Variants in CNTNAP5 observed in about 807,000 individuals in gnomAD.
The protein encoded by CNTNAP5 is contactin associated protein family member 5.
CNTNAP5 carries 72 observed loss-of-function variants against 150.2 expected under a neutral mutation model. That is an observed-to-expected ratio of 0.48 (90% CI 0.40 to 0.58). CNTNAP5 has a LOEUF of 0.58. CNTNAP5 is among the 20% of genes least tolerant of loss of function. The pLI is 0.00. For missense variants in CNTNAP5, 1,636 were observed against 1,626.2 expected, an observed-to-expected ratio of 1.01 and a Z score of -0.10; for synonymous variants, 672 against 619.8, an observed-to-expected ratio of 1.08 and a Z score of -1.25.
rs1690679411 is a variant in CNTNAP5, at chr2:124,377,535, C to T, written c.382-39908C>T. On this transcript the variant is annotated intron_variant, in intron 3 of 23. Transcript: ENST00000682447. ...ACTAAAAATATAAAAATTAGCCAGT[C>T]GTGGTGGCATGCGCCTGTAATCCTA... Among the ~76,000 whole-genome samples, 11 of 151,840 alleles carry T rather than the reference C, an allele frequency of 7.2e-5. No individual in the cohort carries two copies. In the South Asian group the frequency reaches 1.9e-3, roughly 26 times the overall value.
intron 2 of CNTNAP5, among the ~76,000 whole-genome samples, chr2:124,236,335 C>T (rs1382664447): frequency 2.0e-5 from 3 of 152,152 alleles, no homozygotes; most frequent in East Asian, 3.9e-4. Context: ...GTGGCCTGGA[C>T]CAGGCTGCAA....
intron 1 of CNTNAP5, among the ~76,000 whole-genome samples, chr2:124,138,860 A>G (rs1446594565): frequency 6.6e-6 from 1 of 151,396 alleles, no homozygotes; most frequent in Non-Finnish European, 1.5e-5. Context: ...TATATATATC[A>G]GCCCTCTAGA....
At chr2:124,265,937 T>C (rs1687594807) in intron 3 of CNTNAP5, among the ~76,000 whole-genome samples, 1 of 152,040 alleles carries the variant, frequency 6.6e-6, no homozygotes, top group Non-Finnish European at 1.5e-5. Flanking sequence ...AAGTCCCAAA[T>C]GTGTCTAGTG....
chr2:124,677,455 T>G (rs1678969108), intron 13 of CNTNAP5, among the ~76,000 whole-genome samples: 1 of 152,190 alleles, frequency 6.6e-6, no homozygotes, highest in Non-Finnish European at 1.5e-5. Context: ...GGTGGCCAGC[T>G]TTTATTCCCT....
chr2:124,697,571 G>A (rs1460334775), intron 13 of CNTNAP5, among the ~76,000 whole-genome samples: 1 of 144,584 alleles, frequency 6.9e-6, no homozygotes, highest in African/African-American at 2.6e-5. Context: ...ATGTGAATGA[G>A]TAATTTGATG....
chr2:124,639,551 C>G (rs186959168), intron 12 of CNTNAP5, among the ~76,000 whole-genome samples: 1 of 152,298 alleles, frequency 6.6e-6, no homozygotes, highest in African/African-American at 2.4e-5. Context: ...CCTTTGCAAT[C>G]AGCTCACTAG....
chr2:124,386,309 T>C (rs1389993437), intron 3 of CNTNAP5, among the ~76,000 whole-genome samples: 3 of 152,186 alleles, frequency 2.0e-5, no homozygotes, highest in Admixed American at 1.3e-4. Flanking sequence ...TTCCTATAAA[T>C]GAGGTACTAA....
At chr2:124,207,905 A>C (rs1324440658) in intron 1 of CNTNAP5, among the ~76,000 whole-genome samples, 1 of 152,212 alleles carries the variant, frequency 6.6e-6, no homozygotes, top group Non-Finnish European at 1.5e-5. Flanking sequence ...ACAGCACTGA[A>C]TACCTGGACA....
At chr2:124,345,109 C>T (rs1689706231) in intron 3 of CNTNAP5, among the ~76,000 whole-genome samples, 1 of 152,120 alleles carries the variant, frequency 6.6e-6, no homozygotes. Context: ...GCTTAATACA[C>T]GTGGGAGAAG....
intron 3 of CNTNAP5, among the ~76,000 whole-genome samples, chr2:124,273,023 C>T (rs17011255): frequency 0.016 from 2,467 of 152,250 alleles, 55 homozygotes; most frequent in African/African-American, 0.05. Context: ...GGCACGGTGA[C>T]GGACTTGATT....
chr2:124,146,698 T>G (rs2104626222), intron 1 of CNTNAP5, among the ~76,000 whole-genome samples: 1 of 152,334 alleles, frequency 6.6e-6, no homozygotes. Flanking sequence ...AAATTAAAGT[T>G]ATGTCAAATT....
intron 3 of CNTNAP5, among the ~76,000 whole-genome samples, chr2:124,349,666 C>T (rs1371751613): frequency 6.6e-6 from 1 of 152,100 alleles, no homozygotes; most frequent in Non-Finnish European, 1.5e-5. Context: ...AACATAGTCA[C>T]AGTGGGAAAT....
At chr2:124,361,958 G>C (rs1453802297) in intron 3 of CNTNAP5, among the ~76,000 whole-genome samples, 1 of 152,344 alleles carries the variant, frequency 6.6e-6, no homozygotes, top group South Asian at 2.1e-4. Context: ...AGCAATCAGC[G>C]AGACTTCGTG....
chr2:124,336,569 C>A (rs1209675798), intron 3 of CNTNAP5, among the ~76,000 whole-genome samples: 6 of 136,694 alleles, frequency 4.4e-5, no homozygotes. Flanking sequence ...GTTCCCCTTC[C>A]TGTGTCCATG....
At position 124,920,037 on chromosome 2, in the gene CNTNAP5, C is replaced by T. The variant is rs1364335398; in HGVS notation, c.*5749C>T. Among the ~76,000 whole-genome samples, 1 of 151,994 alleles carries T rather than the reference C, an allele frequency of 6.6e-6. No individual in the cohort carries two copies. The highest frequency in any genetic ancestry group is 1.5e-5 in the Non-Finnish European group (1 of 68,006). On this transcript the variant is annotated 3_prime_UTR_variant, in exon 24 of 24. Coordinates refer to ENST00000682447, the MANE Select transcript of CNTNAP5 (RefSeq NM_001367498.1). ...GTGTCCCAGCCCTGACAACGAGTACCGCCAGGGACCTACCATCTAACACCA... is the reference window on the plus strand; with the variant it reads ...GTGTCCCAGCCCTGACAACGAGTACTGCCAGGGACCTACCATCTAACACCA...
intron 1 of CNTNAP5, among the ~76,000 whole-genome samples, chr2:124,096,302 T>C (rs962428805): frequency 2.6e-5 from 4 of 152,220 alleles, no homozygotes; most frequent in South Asian, 2.1e-4. Context: ...ATCTCATTTA[T>C]AGAAACATAT....
At position 124,524,459 on chromosome 2, in the gene CNTNAP5, T is replaced by C. The variant is rs780164598; in HGVS notation, c.1477+7T>C. ...AATAGCTACTATTTTGGAGGTAAATTCTCCAGTCTTTAAGAGGGAAAATTA... is the reference window on the plus strand; with the variant it reads ...AATAGCTACTATTTTGGAGGTAAATCCTCCAGTCTTTAAGAGGGAAAATTA... On this transcript the variant is annotated splice_region_variant and intron_variant, in intron 9 of 23. Transcript: ENST00000682447. 1.9e-6 allele frequency: 3 copies of C among 1,604,970 alleles called. No individual in the cohort carries two copies. Among genetic ancestry groups the C allele is most frequent in the African/African-American group, 2.7e-5 (2 of 74,692 alleles).
At chr2:124,065,118 T>A (rs1237581811) in intron 1 of CNTNAP5, among the ~76,000 whole-genome samples, 2 of 152,118 alleles carry the variant, frequency 1.3e-5, no homozygotes, top group Non-Finnish European at 2.9e-5. Context: ...TTTGAGTACA[T>A]GGAGAATTAT....
intron 11 of CNTNAP5, among the ~76,000 whole-genome samples, chr2:124,598,139 C>G (rs1278950268): frequency 7.5e-6 from 1 of 132,854 alleles, no homozygotes; most frequent in Non-Finnish European, 1.6e-5. Context: ...CTTCTTCTCT[C>G]AGCTCATCAA....
Sources: allele counts gnomAD v4.1 joint callset (sites outside exome capture counted in the v4.1 genomes callset), GRCh38; gene constraint gnomAD v4.1.1; transcripts MANE v1.5; gene names NCBI Gene and HGNC (gene_info 2026-07-23, HGNC 2026-07-21).